The following SUCLG2 variants were observed in gnomAD, a reference collection of about 807,000 sequenced individuals.
SUCLG2 encodes the protein succinate-CoA ligase GDP-forming subunit beta.
Under a neutral mutation model 47.9 loss-of-function variants are expected in SUCLG2, and 42 were observed. That is an observed-to-expected ratio of 0.88 (90% CI 0.69 to 1.14). The LOEUF (loss-of-function observed/expected upper bound fraction) is 1.14, where lower values mean the gene tolerates loss of function less well. Ranked by LOEUF, SUCLG2 falls within the 50% of genes most tolerant of loss-of-function variation. The pLI, the probability that SUCLG2 is intolerant of heterozygous loss-of-function variation, is 0.00. For synonymous variants in SUCLG2, 195 were observed against 197.3 expected, an observed-to-expected ratio of 0.99 and a Z score of 0.10; for missense variants, 571 against 525.9, an observed-to-expected ratio of 1.09 and a Z score of -0.84.
intron 10 of SUCLG2, among the ~76,000 whole-genome samples, chr3:67,381,186 A>C (rs1702150255): frequency 2.2e-5 from 2 of 91,500 alleles, no homozygotes; most frequent in Admixed American, 3.1e-4. Flanking sequence ...TATTTTCAAA[A>C]TAAATAAATA....
intron 10 of SUCLG2, among the ~76,000 whole-genome samples, chr3:67,394,115 C>T (rs1353697642): frequency 6.6e-6 from 1 of 152,104 alleles, no homozygotes; most frequent in African/African-American, 2.4e-5. Context: ...AGCAGAGCAC[C>T]TCTCCTCCTC....
At chr3:67,557,869 T>C (rs1030152426) in intron 2 of SUCLG2, among the ~76,000 whole-genome samples, 1 of 152,214 alleles carries the variant, frequency 6.6e-6, no homozygotes, top group Non-Finnish European at 1.5e-5. Context: ...TCACTGATTC[T>C]ACCAAGAGTG....
chr3:67,616,937 T>C (rs1700640864), intron 1 of SUCLG2, among the ~76,000 whole-genome samples: 1 of 152,218 alleles, frequency 6.6e-6, no homozygotes, highest in Non-Finnish European at 1.5e-5. Flanking sequence ...TATTTCCCTC[T>C]CATTACAGGC....
At chr3:67,389,776 G>A (rs1036507341) in intron 10 of SUCLG2, among the ~76,000 whole-genome samples, 3 of 152,030 alleles carry the variant, frequency 2.0e-5, no homozygotes, top group Non-Finnish European at 4.4e-5. Flanking sequence ...CAAAGAGATG[G>A]AAACATTTTG....
chr3:67,556,052 A>G (rs909056735), intron 2 of SUCLG2, among the ~76,000 whole-genome samples: 60 of 152,354 alleles, frequency 3.9e-4, no homozygotes, highest in African/African-American at 1.4e-3. Flanking sequence ...GGATGGATCC[A>G]GGTTGAGAGA....
At chr3:67,409,063 A>C (rs1432171419) in intron 9 of SUCLG2, 14 of 1,531,482 alleles carry the variant, frequency 9.1e-6, no homozygotes, top group Non-Finnish European at 1.2e-5. Flanking sequence ...GAGGTAAGAT[A>C]TCTTGTATAG....
intron 10 of SUCLG2, among the ~76,000 whole-genome samples, chr3:67,386,244 A>G (rs1357321164): frequency 6.9e-6 from 1 of 145,296 alleles, no homozygotes; most frequent in Non-Finnish European, 1.5e-5. Context: ...GCCCGCCACC[A>G]CGCCCGGCTA....
intron 10 of SUCLG2, among the ~76,000 whole-genome samples, chr3:67,379,628 A>T (rs1186708375): frequency 6.6e-6 from 1 of 152,178 alleles, no homozygotes. Context: ...AGTATTCCCA[A>T]GGGAAAAGAA....
chr3:67,408,920 C>A, intron 9 of SUCLG2: 1 of 1,526,108 alleles, frequency 6.6e-7, no homozygotes, highest in Non-Finnish European at 8.7e-7. Context: ...ATCAGAGACT[C>A]CCAAGATGAG....
intron 4 of SUCLG2, 45 bp downstream of exon 4, chr3:67,528,086 AT>A (rs764639760): frequency 1.3e-6 from 2 of 1,541,776 alleles, no homozygotes; most frequent in South Asian, 1.2e-5. Flanking sequence ...TTTCTTTTCT[AT>A]TTTTTAACAC....
rs114696490 is a variant in SUCLG2 at position 67,571,741 on chromosome 3, A to C, written c.226+37714T>G. On this transcript the variant is annotated intron_variant, in intron 2 of 10. Coordinates refer to ENST00000307227, the MANE Select transcript of SUCLG2 (RefSeq NM_003848.4). Reference sequence around the variant, plus strand: ...AAAAAATATTTGCACTGACTAGATTACTGGTAAAAGGTCACAAATCACTTT... The same window carrying C: ...AAAAAATATTTGCACTGACTAGATTCCTGGTAAAAGGTCACAAATCACTTT... 3.2e-3 allele frequency among the ~76,000 whole-genome samples: 495 copies of C among 152,340 alleles called. 1 individual carries two copies. The highest frequency in any genetic ancestry group is 0.012 in the African/African-American group (486 of 41,584).
chr3:67,589,626 A>T (rs1454464090), intron 2 of SUCLG2, among the ~76,000 whole-genome samples: 1 of 152,210 alleles, frequency 6.6e-6, no homozygotes, highest in Non-Finnish European at 1.5e-5. Flanking sequence ...GTCTACCGAA[A>T]TGGCCCATTG....
At chr3:67,562,586 A>G (rs1402023488) in intron 2 of SUCLG2, among the ~76,000 whole-genome samples, 1 of 152,138 alleles carries the variant, frequency 6.6e-6, no homozygotes, top group African/African-American at 2.4e-5. Flanking sequence ...CCTCCAATTT[A>G]GATTTTATTT....
At chr3:67,467,051 T>C (rs1032781020) in intron 9 of SUCLG2, among the ~76,000 whole-genome samples, 6 of 152,190 alleles carry the variant, frequency 3.9e-5, no homozygotes, top group Non-Finnish European at 7.4e-5. Flanking sequence ...GAATTAAGAA[T>C]TGAGAATCGG....
At chr3:67,410,613 T>C (rs1702913566) in intron 9 of SUCLG2, among the ~76,000 whole-genome samples, 1 of 152,044 alleles carries the variant, frequency 6.6e-6, no homozygotes, top group Admixed American at 6.6e-5. Flanking sequence ...CTTTTTTGAG[T>C]GCTGTGTGTT....
chr3:67,577,755 T>C (rs1159344275), intron 2 of SUCLG2, among the ~76,000 whole-genome samples: 1 of 152,126 alleles, frequency 6.6e-6, no homozygotes, highest in Non-Finnish European at 1.5e-5. Context: ...CAGAAAGTGG[T>C]ATGCAGCCAG....
At chr3:67,416,163 C>A (rs1703034961) in intron 9 of SUCLG2, among the ~76,000 whole-genome samples, 1 of 152,176 alleles carries the variant, frequency 6.6e-6, no homozygotes, top group African/African-American at 2.4e-5. Context: ...CAGAACCAAC[C>A]TACAACCAAA....
intron 6 of SUCLG2, chr3:67,514,009 G>A (rs535427063): frequency 3.9e-5 from 13 of 331,372 alleles, no homozygotes; most frequent in Admixed American, 3.8e-4. Flanking sequence ...AGCGGAATAC[G>A]ACATATCCCT....
chr3:67,493,190 C>A (rs1398691234), intron 9 of SUCLG2, among the ~76,000 whole-genome samples: 2 of 152,282 alleles, frequency 1.3e-5, no homozygotes, highest in East Asian at 3.9e-4. Context: ...CACATCAACT[C>A]ATCTATACTA....
Sources: gnomAD v4.1 joint callset for allele counts (sites outside exome capture counted in the v4.1 genomes callset) on GRCh38, gnomAD v4.1.1 for gene constraint, MANE v1.5 for transcripts, NCBI Gene and HGNC (gene_info 2026-07-23, HGNC 2026-07-21) for gene names.